Variants in ITGA2 observed in about 807,000 individuals in gnomAD.
The protein encoded by ITGA2 is integrin alpha-2.
In ITGA2, 101 loss-of-function variants were observed where a neutral mutation model predicts 146.3. The observed-to-expected ratio is 0.69, with a 90% CI of 0.59 to 0.81. The LOEUF (loss-of-function observed/expected upper bound fraction) is 0.81. ITGA2 is among the 40% of genes least tolerant of loss of function. The probability of loss-of-function intolerance (pLI) is 0.00; values close to 1 mark genes in which losing one functional copy is unlikely to be tolerated. For synonymous variants in ITGA2, 477 were observed against 487.1 expected, an observed-to-expected ratio of 0.98 and a Z score of 0.27; for missense variants, 1,281 against 1,402.7, an observed-to-expected ratio of 0.91 and a Z score of 1.39.
At chr5:53,074,515 C>T (rs759915254) in intron 21 of ITGA2, 38 bp downstream of exon 21, 1 of 1,448,688 alleles carries the variant, frequency 6.9e-7, no homozygotes, top group Non-Finnish European at 9.7e-7. Flanking sequence ...CATACAAGCC[C>T]TCCTTAGCAC....
intron 17 of ITGA2, among the ~76,000 whole-genome samples, chr5:53,071,269 T>C (rs1299071928): frequency 1.3e-5 from 2 of 151,926 alleles, no homozygotes; most frequent in Non-Finnish European, 2.9e-5. Flanking sequence ...GAAAAAATCT[T>C]ATTTCCCTTC....
Position 53,090,731 on chromosome 5 carries a change from G to A in ITGA2, c.*132G>A. 1 of 479,278 alleles carries A rather than the reference G, an allele frequency of 2.1e-6. No homozygotes were observed. The highest frequency in any genetic ancestry group is 2.6e-5 in the Admixed American group (1 of 38,066). 29.7% of individuals were successfully genotyped at this position (479,278 alleles called of 1,614,324 possible). ...GGTAAACTAACCTGGTATTTTAAGA[G>A]AAAACTGCAGGTCAGTTTGGAATGA... On this transcript the variant is annotated 3_prime_UTR_variant, in exon 30 of 30. Transcript: ENST00000296585.
At chr5:53,041,152 G>A (rs988557) in intron 2 of ITGA2, among the ~76,000 whole-genome samples, 98,658 of 151,846 alleles carry the variant, frequency 0.65, 32,538 homozygotes, top group Non-Finnish European at 0.7. Flanking sequence ...ATATGCTTCC[G>A]TATTAATTGA....
At chr5:53,082,226 A>G (rs565298312) in intron 26 of ITGA2, among the ~76,000 whole-genome samples, 1 of 152,352 alleles carries the variant, frequency 6.6e-6, no homozygotes, top group African/African-American at 2.4e-5. Context: ...AGCATCTGGC[A>G]TGGTGCTCGG....
intron 1 of ITGA2, among the ~76,000 whole-genome samples, chr5:52,998,917 A>C (rs1741431368): frequency 6.6e-6 from 1 of 152,234 alleles, no homozygotes; most frequent in Non-Finnish European, 1.5e-5. Context: ...ATATGCAAAA[A>C]TAATTCTATT....
intron 7 of ITGA2, among the ~76,000 whole-genome samples, chr5:53,052,271 T>C (rs1579856455): frequency 6.6e-6 from 1 of 152,078 alleles, no homozygotes; most frequent in Non-Finnish European, 1.5e-5. Flanking sequence ...CAGTGTGTGA[T>C]GTTCCCCTCC....
chr5:53,054,908 C>G (rs1360248626), intron 7 of ITGA2, among the ~76,000 whole-genome samples: 3 of 151,896 alleles, frequency 2.0e-5, no homozygotes, highest in Admixed American at 6.6e-5. Flanking sequence ...CCAAATACCA[C>G]CTGTTCCCCA....
At chr5:53,051,323 A>T in intron 6 of ITGA2, 88 bp from the exon 7 acceptor site, 1 of 1,397,072 alleles carries the variant, frequency 7.2e-7, no homozygotes, top group Non-Finnish European at 1.0e-6. Flanking sequence ...CCATGTCTAA[A>T]TGTACTTTTG....
rs767112202 is a variant in ITGA2 at position 53,086,978 on chromosome 5, G to A, written c.3285G>A (p.Thr1095=). Reference sequence around the variant, plus strand: ...CAACGTTCCAGACAGTACAGCTAACGGCAGCTGCAGAAATCAACACCTATA... The same window carrying A: ...CAACGTTCCAGACAGTACAGCTAACAGCAGCTGCAGAAATCAACACCTATA... ...ASSTFQTVQL[T]AAAEINTYNP... The change falls in exon 28 of 30, where the codon ACG becomes ACA. Residue 1095 remains threonine, a synonymous_variant. Coordinates refer to ENST00000296585, the MANE Select transcript of ITGA2 (RefSeq NM_002203.4). 29 of 1,613,558 alleles carry A rather than the reference G, an allele frequency of 1.8e-5. No homozygotes were observed. Among genetic ancestry groups the A allele is most frequent in the Middle Eastern group, 1.6e-4 (1 of 6,080 alleles).
rs143215532 is a variant in ITGA2, at chr5:53,064,046, T to C, written c.1603-866T>C. The stretch of plus-strand genomic sequence containing the variant: ...ATATTTCCATACTTGATCATAAAAT[T>C]GAAGAAAAAAACTGTGTTTTACAAG... On this transcript the variant is annotated intron_variant, in intron 13 of 29. Coordinates refer to ENST00000296585, the MANE Select transcript of ITGA2 (RefSeq NM_002203.4). Among the ~76,000 whole-genome samples the C allele has an allele frequency of 6.4e-3, 968 of 151,964 alleles. 8 individuals are homozygous for C. Among genetic ancestry groups the C allele is most frequent in the African/African-American group, 0.021 (862 of 41,522 alleles).
intron 1 of ITGA2, among the ~76,000 whole-genome samples, chr5:53,012,012 A>G (rs1579796323): frequency 6.6e-6 from 1 of 152,206 alleles, no homozygotes; most frequent in Non-Finnish European, 1.5e-5. Flanking sequence ...TGTCATGGTT[A>G]TAAAAAAAAT....
chr5:53,056,023 A>C lies in ITGA2; in HGVS notation c.970A>C (p.Asn324His). 6.2e-7 allele frequency: 1 copy of C among 1,609,304 alleles called. No individual in the cohort carries two copies. Among genetic ancestry groups the C allele is most frequent in the South Asian group, 1.1e-5 (1 of 90,272 alleles). Residue 324 changes from asparagine to histidine, a missense_variant, in exon 9 of 30, where the codon AAT (asparagine) becomes CAT (histidine). Asn to His is a moderately conservative substitution (Grantham distance 68, BLOSUM62 1). This residue lies in a region of ITGA2 where 795 missense variants were observed against 841.7 expected (regional missense o/e 0.94). Coordinates refer to ENST00000296585, the MANE Select transcript of ITGA2 (RefSeq NM_002203.4). Reference protein sequence around the residue: ...YLNRNALDTKNLIKEIKAIAS... With the variant: ...YLNRNALDTKHLIKEIKAIAS... Reference sequence around the variant, plus strand: ...AAACAGAAACGCCCTTGATACTAAAAATTTAATAAAAGAAATAAAAGCAAT... The same window carrying C: ...AAACAGAAACGCCCTTGATACTAAACATTTAATAAAAGAAATAAAAGCAAT...
At chr5:53,023,594 C>T (rs991333532) in intron 1 of ITGA2, among the ~76,000 whole-genome samples, 7 of 152,184 alleles carry the variant, frequency 4.6e-5, no homozygotes, top group African/African-American at 7.2e-5. Context: ...CCTTAAAAAA[C>T]GCCTGGTACA....
chr5:53,008,615 G>A (rs1269273633), intron 1 of ITGA2, among the ~76,000 whole-genome samples: 1 of 144,910 alleles, frequency 6.9e-6, no homozygotes, highest in African/African-American at 2.5e-5. Flanking sequence ...TCATGAAGCA[G>A]GATATTATCG....
At position 53,067,145 on chromosome 5, in the gene ITGA2, A is replaced by G. The variant is rs191869295; in HGVS notation, c.1971A>G (p.Ile657Met). The G allele has an allele frequency of 4.3e-6, 7 of 1,610,722 alleles. No homozygotes were observed. The African/African-American group carries it at 8.0e-5, about 18-fold the overall frequency. Residue 657 changes from isoleucine (I) to methionine (M), a missense_variant, in exon 16 of 30, where the codon ATA (isoleucine) becomes ATG (methionine). Coordinates refer to ENST00000296585, the MANE Select transcript of ITGA2 (RefSeq NM_002203.4). ...CACAAAGTATTGCTGATGTAGCTAT[A>G]GAAGCTTCATTCACACCAGAAAAAA... ...LWSQSIADVA[I>M]EASFTPEKIT...
chr5:53,064,745 C>T (rs1745066832), intron 13 of ITGA2, among the ~76,000 whole-genome samples, 167 bp from the exon 14 acceptor site: 1 of 151,904 alleles, frequency 6.6e-6, no homozygotes, highest in African/African-American at 2.4e-5. Context: ...CAAGGTCTCA[C>T]TATTGCTCAA....
intron 1 of ITGA2, among the ~76,000 whole-genome samples, chr5:53,008,987 T>A (rs1208872719): frequency 6.6e-6 from 1 of 151,982 alleles, no homozygotes; most frequent in Non-Finnish European, 1.5e-5. Context: ...CTTTCCCCAC[T>A]CTAGTCTCAT....
intron 1 of ITGA2, among the ~76,000 whole-genome samples, chr5:52,996,383 G>A (rs1741254144): frequency 6.6e-6 from 1 of 152,088 alleles, no homozygotes; most frequent in South Asian, 2.1e-4. Context: ...AGAAAGGAGA[G>A]GAAGAGAGTT....
chr5:52,999,644 A>C (rs948245796), intron 1 of ITGA2, among the ~76,000 whole-genome samples: 1 of 152,108 alleles, frequency 6.6e-6, no homozygotes, highest in Admixed American at 6.6e-5. Context: ...AACACTGAGC[A>C]TGGTGAATCT....
Sources: allele counts gnomAD v4.1 joint callset (sites outside exome capture counted in the v4.1 genomes callset), GRCh38; gene constraint gnomAD v4.1.1; regional missense constraint gnomAD v4.1.1; transcripts MANE v1.5; gene names NCBI Gene and HGNC (gene_info 2026-07-23, HGNC 2026-07-21).